AGBL1: variants seen among roughly 807,000 people sequenced by gnomAD.
The protein encoded by AGBL1 is AGBL carboxypeptidase 1.
AGBL1 carries 130 observed loss-of-function variants against 118.9 expected under a neutral mutation model. The observed-to-expected ratio is 1.09, with a 90% CI of 0.95 to 1.26. The LOEUF is 1.26. Among genes scored for constraint, AGBL1 ranks in the 50% most tolerant of loss-of-function variants. AGBL1 has a pLI of 0.00. For synonymous variants in AGBL1, 555 were observed against 478.9 expected (o/e 1.16, Z -2.08); for missense variants, 1,584 against 1,298.1 (o/e 1.22, Z -3.38).
chr15:86,902,318 G>T (rs895782219), intron 22 of AGBL1, among the ~76,000 whole-genome samples: 1 of 152,046 alleles, frequency 6.6e-6, no homozygotes, highest in South Asian at 2.1e-4. Flanking sequence ...GGTGGGCAGT[G>T]ATATCTCATT....
At chr15:87,016,719 C>A (rs992424819) in intron 24 of AGBL1, among the ~76,000 whole-genome samples, 8 of 152,096 alleles carry the variant, frequency 5.3e-5, no homozygotes, top group African/African-American at 1.9e-4. Context: ...TGATGGCCCA[C>A]CTAGGAGTGG....
chr15:86,218,392 G>A (rs2078224186), intron 5 of AGBL1, among the ~76,000 whole-genome samples: 1 of 152,146 alleles, frequency 6.6e-6, no homozygotes. Flanking sequence ...TAGGTTGCTG[G>A]TATCTGGATG....
In AGBL1 at chr15:86,240,568, T is replaced by A. The variant is rs1472312195; in HGVS notation, c.527-7103T>A. Among the ~76,000 whole-genome samples the A allele has an allele frequency of 2.6e-5, 4 of 152,324 alleles. No individual in the cohort carries two copies. The South Asian group carries it at 8.3e-4, about 32-fold the overall frequency. ...ATTTGGGATCAGGCAAGTTTTGCAATATAATTGCTCAAGGTTGGGAGGAAG... is the reference window on the plus strand; with the variant it reads ...ATTTGGGATCAGGCAAGTTTTGCAAAATAATTGCTCAAGGTTGGGAGGAAG... On this transcript the variant is annotated intron_variant, in intron 6 of 22. Transcript: ENST00000614907.
chr15:86,195,160 G>C (rs1256699075), intron 5 of AGBL1, among the ~76,000 whole-genome samples: 1 of 152,154 alleles, frequency 6.6e-6, no homozygotes, highest in Non-Finnish European at 1.5e-5. Context: ...AGTAGAAAAA[G>C]ATATGGTCTC....
chr15:86,431,987 A>T (rs1191924478), intron 18 of AGBL1, among the ~76,000 whole-genome samples: 1 of 152,114 alleles, frequency 6.6e-6, no homozygotes, highest in African/African-American at 2.4e-5. Context: ...CAGCCCTAGA[A>T]TCCAGGGACT....
chr15:86,119,818 A>C (rs1042011363), intron 1 of AGBL1, among the ~76,000 whole-genome samples: 36 of 152,146 alleles, frequency 2.4e-4, no homozygotes, highest in African/African-American at 8.7e-4. Context: ...ATCACTTTTA[A>C]TTCTATCCTT....
intron 21 of AGBL1, among the ~76,000 whole-genome samples, chr15:86,562,718 G>C (rs568384122): frequency 6.6e-6 from 1 of 152,188 alleles, no homozygotes. Context: ...AGAAGGAATG[G>C]TACCAGCTCC....
chr15:86,800,979 CTT>C (rs924567978), intron 22 of AGBL1, among the ~76,000 whole-genome samples: 16 of 151,846 alleles, frequency 1.1e-4, no homozygotes, highest in South Asian at 2.1e-4. Flanking sequence ...TGTTAGGAAA[CTT>C]TTTTTTAAAG....
intron 22 of AGBL1, among the ~76,000 whole-genome samples, chr15:86,779,689 T>G (rs1596473887): frequency 6.6e-6 from 1 of 152,230 alleles, no homozygotes; most frequent in Admixed American, 6.5e-5. Context: ...CATTTGTATC[T>G]CTTTTCTTTT....
intron 22 of AGBL1, among the ~76,000 whole-genome samples, chr15:86,838,493 C>T (rs956581786): frequency 3.3e-5 from 5 of 152,108 alleles, no homozygotes; most frequent in East Asian, 3.9e-4. Context: ...CCAGGAATAA[C>T]GTTTGACTGT....
At position 86,813,765 on chromosome 15, in the gene AGBL1, T is replaced by G. The variant is rs561101250; in HGVS notation, c.3159-93322T>G. On this transcript the variant is annotated intron_variant, in intron 22 of 22. Coordinates refer to ENST00000614907, the MANE Select transcript of AGBL1 (RefSeq NM_001386094.1). Reference sequence around the variant, plus strand: ...AACAAACAGTCAGAGGATTCAGGGCTATTCAAACTACATAGCATTCAAGAA... The same window carrying G: ...AACAAACAGTCAGAGGATTCAGGGCGATTCAAACTACATAGCATTCAAGAA... 1.9e-4 allele frequency among the ~76,000 whole-genome samples: 29 copies of G among 152,348 alleles called. No individual in the cohort carries two copies. In the South Asian group the frequency reaches 4.6e-3, roughly 24 times the overall value.
chr15:86,099,931 A>G (rs576114260), intron 1 of AGBL1, among the ~76,000 whole-genome samples: 28 of 152,124 alleles, frequency 1.8e-4, no homozygotes, highest in African/African-American at 6.5e-4. Context: ...AAGGGATTTC[A>G]GTTTTTCCTT....
chr15:86,302,281 G>A (rs1271501699), intron 17 of AGBL1, among the ~76,000 whole-genome samples: 1 of 151,884 alleles, frequency 6.6e-6, no homozygotes. Flanking sequence ...AATATCATTT[G>A]GTTCTTATAA....
chr15:86,719,950 C>T (rs1168033000), intron 22 of AGBL1, among the ~76,000 whole-genome samples: 1 of 152,180 alleles, frequency 6.6e-6, no homozygotes, highest in Non-Finnish European at 1.5e-5. Context: ...TTCTCAAGCT[C>T]CTTAGCCGAT....
chr15:86,682,253 G>T (rs528702124), intron 22 of AGBL1, among the ~76,000 whole-genome samples: 1 of 152,078 alleles, frequency 6.6e-6, no homozygotes, highest in Admixed American at 6.6e-5. Context: ...ACATTAAATG[G>T]CTCCCTAACT....
At chr15:86,813,263 A>AC (rs1323046541) in intron 22 of AGBL1, among the ~76,000 whole-genome samples, 13 of 152,106 alleles carry the variant, frequency 8.5e-5, no homozygotes, top group Non-Finnish European at 1.6e-4. Context: ...AAGGGCCTTG[A>AC]GTGCAATGCT....
At chr15:86,366,916 C>A (rs1437128473) in intron 17 of AGBL1, among the ~76,000 whole-genome samples, 3 of 152,188 alleles carry the variant, frequency 2.0e-5, no homozygotes, top group African/African-American at 7.2e-5. Flanking sequence ...TGACCCCATA[C>A]TCTGCGACAC....
At chr15:86,642,519 TAA>T (rs1485679724) in intron 21 of AGBL1, among the ~76,000 whole-genome samples, 1 of 152,140 alleles carries the variant, frequency 6.6e-6, no homozygotes, top group East Asian at 1.9e-4. Context: ...AAAATTGTGT[TAA>T]AGAGTATTCA....
chr15:86,561,823 A>G (rs2083826442), intron 21 of AGBL1, among the ~76,000 whole-genome samples: 1 of 151,994 alleles, frequency 6.6e-6, no homozygotes, highest in South Asian at 2.1e-4. Context: ...ATCCTCTTTT[A>G]TTTCATTGAG....
Sources: allele counts gnomAD v4.1 joint callset (sites outside exome capture counted in the v4.1 genomes callset), GRCh38; gene constraint gnomAD v4.1.1; transcripts MANE v1.5; gene names NCBI Gene and HGNC (gene_info 2026-07-23, HGNC 2026-07-21).